The following MYBPC2 variants were observed in gnomAD, a reference collection of about 807,000 sequenced individuals.
MYBPC2 encodes myosin-binding protein C, fast-type.
A neutral mutation model predicts 137.0 loss-of-function variants in MYBPC2; 122 were observed. The ratio of observed to expected loss-of-function variants is 0.89; its 90% CI spans 0.77 to 1.03. The LOEUF is 1.03. Among genes scored for constraint, MYBPC2 ranks in the 50% least tolerant of loss-of-function variants. The pLI is 0.00. For missense variants in MYBPC2, 1,500 were observed against 1,534.4 expected, an observed-to-expected ratio of 0.98 and a Z score of 0.37; for synonymous variants, 626 against 612.3, an observed-to-expected ratio of 1.02 and a Z score of -0.33.
At chr19:50,461,063 G>A in intron 24 of MYBPC2, among the ~76,000 whole-genome samples, 1 of 151,626 alleles carries the variant, frequency 6.6e-6, no homozygotes, top group Non-Finnish European at 1.5e-5. Flanking sequence ...GAATGCAGTG[G>A]CATGATCATG....
chr19:50,438,473 G>T (rs2122580190), intron 7 of MYBPC2, among the ~76,000 whole-genome samples: 1 of 152,274 alleles, frequency 6.6e-6, no homozygotes, highest in East Asian at 1.9e-4. Context: ...TGAATAGGTG[G>T]CTGAGTTCAC....
chr19:50,448,173 C>T, intron 12 of MYBPC2, 52 bp from the exon 13 acceptor site: 1 of 1,561,304 alleles, frequency 6.4e-7, no homozygotes, highest in Non-Finnish European at 8.7e-7. Flanking sequence ...TCACAAGTGT[C>T]TGTGCACTGA....
chr19:50,437,830 C>A, intron 7 of MYBPC2, 112 bp downstream of exon 7: 1 of 1,222,180 alleles, frequency 8.2e-7, no homozygotes, highest in Non-Finnish European at 1.2e-6. Context: ...ATCCCTCTAC[C>A]ACCTCCATCT....
Position 50,466,153 on chromosome 19 carries a change from C to A in MYBPC2, c.3416-42C>A. 1 of 1,612,716 alleles carries A rather than the reference C, an allele frequency of 6.2e-7. No homozygotes were observed. The highest frequency in any genetic ancestry group is 8.5e-7 in the Non-Finnish European group (1 of 1,179,668). ...CTCCTCCTGGGGCTTCAGGAGGAGG[C>A]GTGCCCGGGCCTGGCTCACCCGCTT... On this transcript the variant is annotated intron_variant, in intron 27 of 27. Transcript: ENST00000357701. The surrounding 1 kb of genome is among the most constrained non-coding windows in gnomAD (Gnocchi z 4.9).
At position 50,435,162 on chromosome 19, in the gene MYBPC2, G is replaced by T. The variant is rs746848872; in HGVS notation, c.21G>T (p.Ala7=). The change falls in exon 2 of 28, where the codon GCG becomes GCT. Residue 7 remains alanine, a splice_region_variant and synonymous_variant. Coordinates refer to ENST00000357701, the MANE Select transcript of MYBPC2 (RefSeq NM_004533.4). This position sits in a 1 kb window ranked among gnomAD's most constrained non-coding sequence, Gnocchi z 4.8. MPEAKP[A]AKKAPKGKDA... The stretch of plus-strand genomic sequence containing the variant: ...CTATGACTGTCCCCTACCTTACAGC[G>T]GCCAAAAAGGCCCCCAAAGGCAAAG... 11 of 1,310,938 alleles carry T rather than the reference G, an allele frequency of 8.4e-6. No homozygotes were observed. Among genetic ancestry groups the T allele is most frequent in the Non-Finnish European group, 9.9e-6 (9 of 909,560 alleles). 81.2% of individuals were successfully genotyped at this position (1,310,938 alleles called of 1,614,324 possible). A position where few individuals can be genotyped will look rare whatever the true frequency, so the allele number is the denominator to read the frequency against.
chr19:50,441,489 T>C (rs1012442594), intron 8 of MYBPC2, among the ~76,000 whole-genome samples: 1 of 152,208 alleles, frequency 6.6e-6, no homozygotes, highest in East Asian at 1.9e-4. Context: ...TCTCTGTCTC[T>C]GGGGTAGCCC....
At chr19:50,448,159 G>A (rs1344196306) in intron 12 of MYBPC2, 66 bp from the exon 13 acceptor site, 2 of 1,518,860 alleles carry the variant, frequency 1.3e-6, no homozygotes, top group African/African-American at 1.4e-5. Flanking sequence ...CACACAGTGG[G>A]TGCTCACAAG....
rs374393571 is a variant in MYBPC2, at chr19:50,436,150, C to T, written c.335C>T (p.Ser112Phe). 9 of 1,581,910 alleles carry T rather than the reference C, an allele frequency of 5.7e-6. No homozygotes were observed. The African/African-American group carries it at 1.2e-4, about 21-fold the overall frequency. Residue 112 changes from serine to phenylalanine, a missense_variant, in exon 4 of 28, where the codon TCC (serine) becomes TTC (phenylalanine). Coordinates refer to ENST00000357701, the MANE Select transcript of MYBPC2 (RefSeq NM_004533.4). ...ARFSFKESHN[S>F]ASNVYTVELH... ...TTCTCCTTCAAGGAGTCCCACAACT[C>T]CGCCAGCAATGTGAGGACCCCGTGG...
At chr19:50,440,440 G>A (rs1244381788) in intron 7 of MYBPC2, among the ~76,000 whole-genome samples, 1 of 151,808 alleles carries the variant, frequency 6.6e-6, no homozygotes, top group Non-Finnish European at 1.5e-5. Context: ...GAGGCGGGTG[G>A]ATCACTTAAG....
Position 50,450,212 on chromosome 19 carries a change from C to A in MYBPC2, c.1473-617C>A, listed in dbSNP as rs577090064. Among the ~76,000 whole-genome samples the A allele has an allele frequency of 2.4e-4, 36 of 152,246 alleles. No individual in the cohort carries two copies. In the South Asian group the frequency reaches 7.1e-3, roughly 30 times the overall value. On this transcript the variant is annotated intron_variant, in intron 13 of 27. Coordinates refer to ENST00000357701, the MANE Select transcript of MYBPC2 (RefSeq NM_004533.4). ...TGATGATAACACATCCTGACACTTA[C>A]AGGGCCCTTACTATGTGCCAGGTAC...
At position 50,458,996 on chromosome 19, in the gene MYBPC2, T is replaced by A; in HGVS notation, c.2585T>A (p.Val862Asp). ...RKVGEQLNLV[V>D]PFQGKPRPQV... is the part of the protein sequence containing the mutation. ...GTGGGCGAGCAGCTCAACCTTGTCG[T>A]CCCCTTCCAGGTCAGGGGAGCGGGG... Residue 862 changes from valine (V) to aspartate (D), a missense_variant, in exon 22 of 28, where the codon GTC (valine) becomes GAC (aspartate). By Grantham distance (152) the Val-to-Asp change is radical. Transcript: ENST00000357701. The A allele has an allele frequency of 6.2e-7, 1 of 1,611,212 alleles. No homozygotes were observed. The highest frequency in any genetic ancestry group is 8.5e-7 in the Non-Finnish European group (1 of 1,179,070).
chr19:50,440,862 C>G lies in MYBPC2; in HGVS notation c.573-18C>G. On this transcript the variant is annotated intron_variant, in intron 7 of 27. Transcript: ENST00000357701. ...TCCTCACTCCCTGATGGCCCCTGTC[C>G]GTTCCCCCACCCGCCAGGGAGGTGG... 1 of 1,605,188 alleles carries G rather than the reference C, an allele frequency of 6.2e-7. No individual in the cohort carries two copies. The highest frequency in any genetic ancestry group is 1.1e-5 in the South Asian group (1 of 89,906).
chr19:50,439,113 C>T (rs2039728625), intron 7 of MYBPC2, among the ~76,000 whole-genome samples: 1 of 148,432 alleles, frequency 6.7e-6, no homozygotes, highest in African/African-American at 2.5e-5. Context: ...TTCCCCCAAC[C>T]CATCAATCCA....
chr19:50,433,188 G>A (rs1177327118), intron 1 of MYBPC2, among the ~76,000 whole-genome samples: 2 of 152,132 alleles, frequency 1.3e-5, no homozygotes, highest in African/African-American at 4.8e-5. Flanking sequence ...TGTGACAGGA[G>A]TTTCCTTCCT....
rs2040014810 is a variant in MYBPC2 at position 50,466,191 on chromosome 19, G to T, written c.3416-4G>T. 6.2e-7 allele frequency: 1 copy of T among 1,613,850 alleles called. No homozygotes were observed. On this transcript the variant is annotated splice_region_variant and splice_polypyrimidine_tract_variant and intron_variant, in intron 27 of 27. Transcript: ENST00000357701. The surrounding 1 kb of genome is among the most constrained non-coding windows in gnomAD (Gnocchi z 4.9). ...GGCTCACCCGCTTTCTCGTTTTCCT[G>T]CAGTGCCGCAGTGAGACCTGTCCCC... is the stretch of plus-strand genomic sequence containing the variant.
At position 50,451,682 on chromosome 19, in the gene MYBPC2, A is replaced by G. The variant is rs556095080; in HGVS notation, c.1610-182A>G. 3.1e-4 allele frequency among the ~76,000 whole-genome samples: 30 copies of G among 97,148 alleles called. No homozygotes were observed. In the South Asian group the frequency reaches 9.5e-3, roughly 31 times the overall value. The allele number at this position is 97,148 out of a possible 152,430, so 63.7% of individuals were successfully genotyped here. On this transcript the variant is annotated intron_variant, in intron 15 of 27. Coordinates refer to ENST00000357701, the MANE Select transcript of MYBPC2 (RefSeq NM_004533.4). ...AGGAGGGGCTGGGGGCCTAGACTGT[A>G]GGGTCTGAGGGAGGAGGGGTTGGGG...
At chr19:50,457,393 G>C (rs1002321198) in intron 20 of MYBPC2, among the ~76,000 whole-genome samples, 1 of 152,178 alleles carries the variant, frequency 6.6e-6, no homozygotes, top group African/African-American at 2.4e-5. Flanking sequence ...GTAACGAAAA[G>C]CAGGCAATCT....
chr19:50,455,691 G>T (rs540720599), intron 20 of MYBPC2, 47 bp downstream of exon 20: 47 of 1,603,354 alleles, frequency 2.9e-5, no homozygotes, highest in Admixed American at 8.4e-5. Flanking sequence ...TAGCACAGGT[G>T]GGTATCCAGT....
chr19:50,433,310 T>C (rs1198946430), intron 1 of MYBPC2, among the ~76,000 whole-genome samples: 1 of 151,960 alleles, frequency 6.6e-6, no homozygotes, highest in Non-Finnish European at 1.5e-5. Context: ...CTGGTGGAGA[T>C]GGGATTCTCT....
Sources: gnomAD v4.1 joint callset for allele counts (sites outside exome capture counted in the v4.1 genomes callset) on GRCh38, gnomAD v4.1.1 for gene constraint, Gnocchi (gnomAD v3.1) non-coding constraint, MANE v1.5 for transcripts, NCBI Gene and HGNC (gene_info 2026-07-23, HGNC 2026-07-21) for gene names.